NPAS3: variants seen among roughly 807,000 people sequenced by gnomAD.
The protein encoded by NPAS3 is neuronal PAS domain-containing protein 3.
Under a neutral mutation model 73.1 loss-of-function variants are expected in NPAS3, and 14 were observed. The ratio of observed to expected loss-of-function variants is 0.19; its 90% CI spans 0.13 to 0.30. The LOEUF is 0.30. Ranked by LOEUF, NPAS3 falls within the 10% of genes least tolerant of loss-of-function variation. NPAS3 has a pLI of 1.00. For synonymous variants in NPAS3, 620 were observed against 541.5 expected (o/e 1.14, Z -2.01); for missense variants, 1,096 against 1,250.0 (o/e 0.88, Z 1.86).
chr14:33,101,474 T>C (rs776099805), intron 2 of NPAS3, among the ~76,000 whole-genome samples: 1 of 152,160 alleles, frequency 6.6e-6, no homozygotes, highest in East Asian at 1.9e-4. Context: ...TGATTGTACA[T>C]GTAGCGATTG....
downstream of NPAS3, chr14:33,801,319 A>G: frequency 1.0e-6 from 1 of 954,794 alleles, no homozygotes; most frequent in South Asian, 1.8e-5. Flanking sequence ...GGGTCAGACG[A>G]CCAGTTGCCT....
At chr14:33,270,526 A>C (rs888667721) in intron 3 of NPAS3, among the ~76,000 whole-genome samples, 4 of 152,104 alleles carry the variant, frequency 2.6e-5, no homozygotes, top group African/African-American at 9.7e-5. Context: ...AGAGAGCATT[A>C]AGTGGAAAAG....
At chr14:33,543,999 A>ATATCTATATC (rs1566988668) in intron 4 of NPAS3, among the ~76,000 whole-genome samples, 3 of 64,198 alleles carry the variant, frequency 4.7e-5, no homozygotes, top group Non-Finnish European at 8.8e-5. Flanking sequence ...ATATATATAT[A>ATATCTATATC]TATCTATATC....
At chr14:32,951,930 G>A (rs1240532691) in intron 1 of NPAS3, among the ~76,000 whole-genome samples, 1 of 151,818 alleles carries the variant, frequency 6.6e-6, no homozygotes, top group Non-Finnish European at 1.5e-5. Flanking sequence ...ATTTACGAGT[G>A]GATAAGATTT....
intron 5 of NPAS3, among the ~76,000 whole-genome samples, chr14:33,650,860 T>TGCAGGA (rs910194176): frequency 6.6e-6 from 1 of 152,200 alleles, no homozygotes; most frequent in Non-Finnish European, 1.5e-5. Flanking sequence ...GGGTCCTTGT[T>TGCAGGA]GCAGGAGCAG....
At chr14:32,993,950 A>G (rs1395670692) in intron 1 of NPAS3, among the ~76,000 whole-genome samples, 1 of 152,218 alleles carries the variant, frequency 6.6e-6, no homozygotes, top group Non-Finnish European at 1.5e-5. Context: ...TGTTTACATA[A>G]ACAGGATCTT....
At chr14:33,554,526 G>T (rs1157656531) in intron 4 of NPAS3, among the ~76,000 whole-genome samples, 1 of 152,046 alleles carries the variant, frequency 6.6e-6, no homozygotes, top group Non-Finnish European at 1.5e-5. Context: ...ATAATTAGGG[G>T]GTGGAACAGA....
At chr14:33,370,053 T>C (rs1424903444) in intron 4 of NPAS3, among the ~76,000 whole-genome samples, 1 of 152,174 alleles carries the variant, frequency 6.6e-6, no homozygotes, top group East Asian at 1.9e-4. Flanking sequence ...AGCAAAGTAG[T>C]ATAGGCATGA....
intron 3 of NPAS3, among the ~76,000 whole-genome samples, chr14:33,323,688 A>G (rs2043562315): frequency 6.6e-6 from 1 of 152,250 alleles, no homozygotes; most frequent in Admixed American, 6.5e-5. Flanking sequence ...GATGATTTCA[A>G]AAGCATGGGA....
intron 5 of NPAS3, among the ~76,000 whole-genome samples, chr14:33,581,884 A>G (rs1032596946): frequency 6.6e-6 from 1 of 152,154 alleles, no homozygotes; most frequent in Non-Finnish European, 1.5e-5. Flanking sequence ...ACCTTTTTTC[A>G]GTATTAATAC....
intron 2 of NPAS3, among the ~76,000 whole-genome samples, chr14:33,120,712 C>T (rs1426500240): frequency 6.6e-6 from 1 of 152,072 alleles, no homozygotes; most frequent in Non-Finnish European, 1.5e-5. Flanking sequence ...GAATAAGAAT[C>T]TGCATTTTGA....
chr14:33,598,150 G>C (rs1344464328), intron 5 of NPAS3, among the ~76,000 whole-genome samples: 1 of 152,248 alleles, frequency 6.6e-6, no homozygotes, highest in East Asian at 1.9e-4. Context: ...TCTCACCCAG[G>C]AGTCTTCCTA....
intron 2 of NPAS3, among the ~76,000 whole-genome samples, chr14:33,178,526 T>G (rs1193230811): frequency 6.6e-6 from 1 of 152,220 alleles, no homozygotes; most frequent in Non-Finnish European, 1.5e-5. Flanking sequence ...TTTTATAGTT[T>G]TCAATGTACA....
intron 2 of NPAS3, among the ~76,000 whole-genome samples, chr14:33,060,275 G>C (rs2041048963): frequency 6.6e-6 from 1 of 152,208 alleles, no homozygotes; most frequent in Non-Finnish European, 1.5e-5. Flanking sequence ...CACTGCCATA[G>C]AGGGATTTGA....
intron 5 of NPAS3, among the ~76,000 whole-genome samples, chr14:33,574,773 T>C (rs1357520861): frequency 6.6e-6 from 1 of 152,152 alleles, no homozygotes; most frequent in Non-Finnish European, 1.5e-5. Context: ...ATGAAAGGCA[T>C]GAACCTGAGA....
At chr14:33,759,932 T>G (rs2062231487) in intron 7 of NPAS3, among the ~76,000 whole-genome samples, 1 of 152,194 alleles carries the variant, frequency 6.6e-6, no homozygotes, top group Non-Finnish European at 1.5e-5. Context: ...TATATAAGAT[T>G]TCTGAATAAA....
chr14:33,639,426 T>A (rs1230607870), intron 5 of NPAS3, among the ~76,000 whole-genome samples: 1 of 152,204 alleles, frequency 6.6e-6, no homozygotes, highest in Non-Finnish European at 1.5e-5. Flanking sequence ...TAATTTATTT[T>A]ATAAAGTTAT....
chr14:33,499,542 C>A (rs892015388), intron 4 of NPAS3, among the ~76,000 whole-genome samples: 2 of 151,888 alleles, frequency 1.3e-5, no homozygotes, highest in Non-Finnish European at 2.9e-5. Flanking sequence ...TCTGAGATCA[C>A]TTGTAAGCTC....
chr14:33,424,868 G>A (rs530506010), intron 4 of NPAS3, among the ~76,000 whole-genome samples: 1 of 151,934 alleles, frequency 6.6e-6, no homozygotes, highest in Non-Finnish European at 1.5e-5. Context: ...TACAGGTATG[G>A]GCACCATCTG....
Sources: allele counts gnomAD v4.1 joint callset (sites outside exome capture counted in the v4.1 genomes callset), GRCh38; gene constraint gnomAD v4.1.1; transcripts MANE v1.5; gene names NCBI Gene and HGNC (gene_info 2026-07-23, HGNC 2026-07-21).